The following NUP214 variants were observed in gnomAD, a reference collection of about 807,000 sequenced individuals.
The protein encoded by NUP214 is nucleoporin 214.
Under a neutral mutation model 196.2 loss-of-function variants are expected in NUP214, and 79 were observed. The ratio of observed to expected loss-of-function variants is 0.40; its 90% CI spans 0.34 to 0.49. The LOEUF is 0.49. NUP214 is among the 20% of genes least tolerant of loss of function. The pLI is 0.58. For missense variants in NUP214, 2,468 were observed against 2,539.0 expected (o/e 0.97, Z 0.60); for synonymous variants, 1,020 against 990.5 (o/e 1.03, Z -0.56).
chr9:131,147,438 G>C (rs371818431), intron 13 of NUP214, 52 bp from the exon 14 acceptor site: 34 of 1,299,496 alleles, frequency 2.6e-5, no homozygotes, highest in Non-Finnish European at 3.4e-5. Flanking sequence ...TGTGATAGGA[G>C]AAATAAAGGT....
chr9:131,158,100 A>G (rs999534200), intron 17 of NUP214, among the ~76,000 whole-genome samples: 7 of 150,654 alleles, frequency 4.6e-5, no homozygotes, highest in Admixed American at 4.0e-4. Flanking sequence ...TTGTTTAGAG[A>G]CAGTGTCTTG....
chr9:131,180,477 A>G (rs1366781873), intron 24 of NUP214, among the ~76,000 whole-genome samples: 4 of 152,114 alleles, frequency 2.6e-5, no homozygotes, highest in Non-Finnish European at 5.9e-5. Flanking sequence ...TCTTTTAAAC[A>G]GTAGTTTCCT....
chr9:131,134,201 T>C (rs1204191683), intron 7 of NUP214, among the ~76,000 whole-genome samples: 1 of 152,200 alleles, frequency 6.6e-6, no homozygotes, highest in African/African-American at 2.4e-5. Flanking sequence ...CCGCCTCATC[T>C]CTCAGAGCAC....
intron 22 of NUP214, among the ~76,000 whole-genome samples, chr9:131,174,563 C>T (rs1833060928): frequency 6.6e-6 from 1 of 150,956 alleles, no homozygotes; most frequent in South Asian, 2.1e-4. Flanking sequence ...ATTCTCCTGC[C>T]TCACCCTCCC....
chr9:131,212,741 T>G (rs1482076448), intron 30 of NUP214, among the ~76,000 whole-genome samples: 2 of 152,208 alleles, frequency 1.3e-5, no homozygotes, highest in Non-Finnish European at 2.9e-5. Flanking sequence ...TATTAAGGCA[T>G]TATTGTTAAA....
At chr9:131,129,849 C>T (rs1290444452) in intron 4 of NUP214, among the ~76,000 whole-genome samples, 1 of 151,982 alleles carries the variant, frequency 6.6e-6, no homozygotes, top group African/African-American at 2.4e-5. Flanking sequence ...AGTGATCTGC[C>T]CTCCTCCACC....
chr9:131,226,044 C>CG (rs1834712262), intron 32 of NUP214, among the ~76,000 whole-genome samples: 1 of 152,014 alleles, frequency 6.6e-6, no homozygotes, highest in African/African-American at 2.4e-5. Context: ...GAGAGGTGGG[C>CG]GTTTGAGTCG....
chr9:131,218,049 T>G (rs543089623), intron 31 of NUP214, among the ~76,000 whole-genome samples: 1 of 152,336 alleles, frequency 6.6e-6, no homozygotes, highest in South Asian at 2.1e-4. Flanking sequence ...AATTCTGGTT[T>G]AAAGTAAACA....
At chr9:131,152,813 GCACT>G (rs1053107033) in intron 17 of NUP214, among the ~76,000 whole-genome samples, 1 of 150,852 alleles carries the variant, frequency 6.6e-6, no homozygotes, top group Non-Finnish European at 1.5e-5. Context: ...ACTGAGTCTC[GCACT>G]GTCGCCTGGG....
intron 30 of NUP214, among the ~76,000 whole-genome samples, chr9:131,206,469 G>A (rs1397100109): frequency 1.3e-5 from 2 of 151,406 alleles, no homozygotes; most frequent in East Asian, 3.9e-4. Flanking sequence ...TTTTGAGACA[G>A]GATCTCACTC....
intron 14 of NUP214, chr9:131,150,094 G>A (rs1832211194): frequency 2.3e-6 from 1 of 438,102 alleles, no homozygotes; most frequent in Non-Finnish European, 4.1e-6. Context: ...ACATGTCCCA[G>A]TAGGAGGTAA....
intron 24 of NUP214, among the ~76,000 whole-genome samples, chr9:131,182,472 A>G (rs1053137237): frequency 1.3e-5 from 2 of 152,258 alleles, no homozygotes; most frequent in Admixed American, 6.5e-5. Flanking sequence ...TCCTTATGAT[A>G]ATCTAACTGA....
At chr9:131,179,335 G>A (rs539770589) in intron 24 of NUP214, among the ~76,000 whole-genome samples, 1 of 152,222 alleles carries the variant, frequency 6.6e-6, no homozygotes, top group East Asian at 1.9e-4. Context: ...ATCTGTGTTC[G>A]GAATTCAGGG....
intron 21 of NUP214, among the ~76,000 whole-genome samples, chr9:131,166,613 C>G (rs1245149961): frequency 6.6e-6 from 1 of 152,082 alleles, no homozygotes; most frequent in African/African-American, 2.4e-5. Context: ...ATTAAGTGCA[C>G]AAAACAAAAA....
intron 31 of NUP214, among the ~76,000 whole-genome samples, chr9:131,219,140 A>T (rs1588175321): frequency 6.6e-6 from 1 of 152,108 alleles, no homozygotes; most frequent in African/African-American, 2.4e-5. Flanking sequence ...AGCTCAATGC[A>T]CGTGAGCTAA....
chr9:131,219,480 C>T (rs940226528), intron 31 of NUP214, among the ~76,000 whole-genome samples: 3 of 152,166 alleles, frequency 2.0e-5, no homozygotes, highest in Admixed American at 1.3e-4. Context: ...TAACAATGAC[C>T]GCAAAAGACA....
intron 21 of NUP214, among the ~76,000 whole-genome samples, chr9:131,166,747 T>C (rs1832796327): frequency 6.6e-6 from 1 of 152,208 alleles, no homozygotes; most frequent in Admixed American, 6.5e-5. Context: ...TATGTGAGAG[T>C]TTTGCCTTTG....
rs780188909 is a variant in NUP214, at chr9:131,197,792, G to A, written c.4298G>A (p.Ser1433Asn). Residue 1433 changes from serine to asparagine, a missense_variant, in exon 29 of 36, where the codon AGT becomes AAT. Physicochemically the swap from Ser to Asn is conservative, Grantham distance 46. Coordinates refer to ENST00000359428, the MANE Select transcript of NUP214 (RefSeq NM_005085.4). ...ATCAGTTTTGGTGGGACATCTCTAA[G>A]TGCTGGCAAGACTAGTTTTTCATTT... ...GVISFGGTSL[S>N]AGKTSFSFGS... is the part of the protein sequence containing the mutation. The A allele has an allele frequency of 6.8e-6, 11 of 1,614,024 alleles. No individual in the cohort carries two copies. Among genetic ancestry groups the A allele is most frequent in the South Asian group, 3.3e-5 (3 of 91,094 alleles).
intron 31 of NUP214, among the ~76,000 whole-genome samples, chr9:131,220,260 G>C (rs1271635868): frequency 2.0e-5 from 3 of 152,158 alleles, no homozygotes; most frequent in African/African-American, 7.2e-5. Context: ...GGTAATATGA[G>C]AATATGGTAA....
Sources: allele counts gnomAD v4.1 joint callset (sites outside exome capture counted in the v4.1 genomes callset), GRCh38; gene constraint gnomAD v4.1.1; transcripts MANE v1.5; gene names NCBI Gene and HGNC (gene_info 2026-07-23, HGNC 2026-07-21).